CENPP: variants seen among roughly 807,000 people sequenced by gnomAD.
The protein encoded by CENPP is centromere protein P.
Under a neutral mutation model 35.6 loss-of-function variants are expected in CENPP, and 24 were observed. That is an observed-to-expected ratio of 0.67 (90% confidence interval 0.49 to 0.95). CENPP has a LOEUF of 0.95. Ranked by LOEUF, CENPP falls within the 40% of genes least tolerant of loss-of-function variation. The pLI, the probability that CENPP is intolerant of heterozygous loss-of-function variation, is 0.00. For missense variants in CENPP, 332 were observed against 345.3 expected (o/e 0.96, Z 0.31); for synonymous variants, 120 against 125.5 (o/e 0.96, Z 0.29).
chr9:92,578,857 A>G (rs1159290634), intron 5 of CENPP, among the ~76,000 whole-genome samples: 1 of 152,128 alleles, frequency 6.6e-6, no homozygotes, highest in Non-Finnish European at 1.5e-5. Context: ...TTGGTGTTTT[A>G]GACATGAAGT....
rs59005029 is a variant in CENPP at position 92,328,271 on chromosome 9, A to G, written c.107+2166A>G. 7.0e-3 allele frequency among the ~76,000 whole-genome samples: 1,065 copies of G among 152,304 alleles called. 12 individuals carry two copies. The highest frequency in any genetic ancestry group is 0.025 in the African/African-American group (1,020 of 41,548). On this transcript the variant is annotated intron_variant, in intron 1 of 7. Transcript: ENST00000375587. ...TTTAACCGTGAGGTTTCTTTTCACTATAGTGGAGGAGGAGGATTGGAACCT... is the reference window on the plus strand; with the variant it reads ...TTTAACCGTGAGGTTTCTTTTCACTGTAGTGGAGGAGGAGGATTGGAACCT...
chr9:92,536,260 AAC>A (rs1290287207), intron 5 of CENPP, among the ~76,000 whole-genome samples: 28 of 152,274 alleles, frequency 1.8e-4, no homozygotes, highest in African/African-American at 4.6e-4. Context: ...CAGAGTTGGA[AAC>A]ACAAAAATGA....
intron 5 of CENPP, among the ~76,000 whole-genome samples, chr9:92,478,542 G>A (rs1425652021): frequency 6.6e-6 from 1 of 151,916 alleles, no homozygotes; most frequent in Non-Finnish European, 1.5e-5. Context: ...CAACCTCCAC[G>A]TCCCAGGTTC....
At chr9:92,487,901 A>G (rs1323720775) in intron 5 of CENPP, among the ~76,000 whole-genome samples, 3 of 152,238 alleles carry the variant, frequency 2.0e-5, no homozygotes, top group African/African-American at 7.2e-5. Context: ...CTGTACTTTG[A>G]GTACCCATAC....
chr9:92,592,250 A>C (rs1275497313), intron 5 of CENPP, among the ~76,000 whole-genome samples: 1 of 152,142 alleles, frequency 6.6e-6, no homozygotes, highest in Non-Finnish European at 1.5e-5. Context: ...TCCGATCAGG[A>C]AACAGCATGA....
At chr9:92,356,297 A>C (rs553557646) in intron 4 of CENPP, among the ~76,000 whole-genome samples, 13 of 152,302 alleles carry the variant, frequency 8.5e-5, no homozygotes, top group African/African-American at 3.1e-4. Flanking sequence ...AGGGTGAGAA[A>C]AAGATTTATT....
intron 5 of CENPP, chr9:92,496,243 T>G: frequency 1.3e-6 from 2 of 1,505,284 alleles, no homozygotes; most frequent in Non-Finnish European, 1.8e-6. Context: ...ATTATGTCTC[T>G]CTTATTAATG....
intron 5 of CENPP, among the ~76,000 whole-genome samples, chr9:92,483,929 C>G (rs1420168654): frequency 6.6e-6 from 1 of 152,184 alleles, no homozygotes; most frequent in Admixed American, 6.5e-5. Context: ...AATGACGGCC[C>G]TCCTGTTTGG....
At chr9:92,526,885 C>G (rs530533346) in intron 5 of CENPP, among the ~76,000 whole-genome samples, 1 of 152,254 alleles carries the variant, frequency 6.6e-6, no homozygotes, top group South Asian at 2.1e-4. Context: ...ACTGACTCAC[C>G]GGAGTGACTT....
chr9:92,384,783 A>G (rs1237346223), intron 5 of CENPP: 2 of 152,132 alleles, frequency 1.3e-5, no homozygotes, highest in Non-Finnish European at 2.9e-5. Flanking sequence ...CTGTAGTATA[A>G]AAGGAAAATA....
chr9:92,485,789 C>A (rs965064746), intron 5 of CENPP, among the ~76,000 whole-genome samples: 1 of 152,194 alleles, frequency 6.6e-6, no homozygotes, highest in Non-Finnish European at 1.5e-5. Context: ...TCTCGGCCCC[C>A]CAAAGTGCTG....
chr9:92,500,837 AT>A, intron 5 of CENPP: 5 of 1,614,220 alleles, frequency 3.1e-6, no homozygotes, highest in Non-Finnish European at 4.2e-6. Context: ...TCAGAGAATG[AT>A]ATGCCCCATA....
chr9:92,422,568 G>T (rs1354922413), intron 5 of CENPP, among the ~76,000 whole-genome samples: 1 of 152,166 alleles, frequency 6.6e-6, no homozygotes, highest in Non-Finnish European at 1.5e-5. Context: ...CACCTAAGAA[G>T]AAAGTCTTTC....
intron 5 of CENPP, among the ~76,000 whole-genome samples, chr9:92,513,999 C>T (rs375110951): frequency 1.1e-4 from 17 of 152,256 alleles, no homozygotes; most frequent in African/African-American, 4.1e-4. Context: ...AACTGCTATT[C>T]TGCAGTAAAC....
chr9:92,431,402 A>G (rs1187295502), intron 5 of CENPP, among the ~76,000 whole-genome samples: 1 of 152,168 alleles, frequency 6.6e-6, no homozygotes, highest in Non-Finnish European at 1.5e-5. Context: ...GATACTTGAT[A>G]TTCTCTAAAC....
At chr9:92,563,329 C>T (rs1340375565) in intron 5 of CENPP, among the ~76,000 whole-genome samples, 6 of 152,170 alleles carry the variant, frequency 3.9e-5, no homozygotes, top group Admixed American at 1.3e-4. Flanking sequence ...CTCTGCTTTA[C>T]GTTATGAATG....
chr9:92,350,620 A>C (rs935870971), intron 4 of CENPP, among the ~76,000 whole-genome samples: 2 of 152,160 alleles, frequency 1.3e-5, no homozygotes, highest in Admixed American at 1.3e-4. Context: ...ATATCGTGTC[A>C]CTGTGGCCTT....
chr9:92,391,681 G>A (rs935828367), intron 5 of CENPP, among the ~76,000 whole-genome samples: 18 of 152,076 alleles, frequency 1.2e-4, no homozygotes, highest in Admixed American at 3.9e-4. Context: ...AAAACATGTC[G>A]TTAAATAGAC....
At chr9:92,579,566 G>A (rs1564010049) in intron 5 of CENPP, among the ~76,000 whole-genome samples, 1 of 152,004 alleles carries the variant, frequency 6.6e-6, no homozygotes, top group African/African-American at 2.4e-5. Context: ...TGAAGCAATT[G>A]TGAATGGGAG....
Sources: allele counts gnomAD v4.1 joint callset (sites outside exome capture counted in the v4.1 genomes callset), GRCh38; gene constraint gnomAD v4.1.1; transcripts MANE v1.5; gene names NCBI Gene and HGNC (gene_info 2026-07-23, HGNC 2026-07-21).